ATAD3C: variants seen among roughly 807,000 people sequenced by gnomAD.
The protein encoded by ATAD3C is ATPase family AAA domain-containing protein 3C.
In ATAD3C, 38 loss-of-function variants were observed where a neutral mutation model predicts 46.3. The ratio of observed to expected loss-of-function variants is 0.82; its 90% CI spans 0.63 to 1.08. ATAD3C has a LOEUF of 1.08. ATAD3C is among the 50% of genes least tolerant of loss of function. The probability of loss-of-function intolerance (pLI) is 0.00; values close to 1 mark genes in which losing one functional copy is unlikely to be tolerated. For missense variants in ATAD3C, 563 were observed against 572.7 expected (o/e 0.98, Z 0.17); for synonymous variants, 220 against 236.4 (o/e 0.93, Z 0.63).
At chr1:1,463,313 G>C (rs950935213) in intron 11 of ATAD3C, among the ~76,000 whole-genome samples, 3 of 152,098 alleles carry the variant, frequency 2.0e-5, no homozygotes, top group African/African-American at 7.2e-5. Flanking sequence ...GCAAAACCAG[G>C]TCTGTGGGGC....
At chr1:1,457,513 G>A (rs1414281001) in intron 8 of ATAD3C, among the ~76,000 whole-genome samples, 1 of 147,794 alleles carries the variant, frequency 6.8e-6, no homozygotes, top group African/African-American at 2.5e-5. Flanking sequence ...GGAGAATGGC[G>A]TGAACCCGGG....
At position 1,462,529 on chromosome 1, in the gene ATAD3C, G is replaced by C. The variant is rs1639084926; in HGVS notation, c.981-71G>C. ...GGCATGGGTGTCCGCCTGGCTGCCT[G>C]TCTTCCGGCCTCCACCTCGTGGTGT... is the stretch of plus-strand genomic sequence containing the variant. On this transcript the variant is annotated intron_variant, in intron 10 of 11. Transcript: ENST00000378785. The surrounding 1 kb of genome is among the most constrained non-coding windows in gnomAD (Gnocchi z 4.5). 6.9e-7 allele frequency: 1 copy of C among 1,446,936 alleles called. No homozygotes were observed. The highest frequency in any genetic ancestry group is 2.0e-5 in the Admixed American group (1 of 50,580). The allele number at this position is 1,446,936 out of a possible 1,614,324, so 89.6% of individuals were successfully genotyped here.
chr1:1,451,635 G>A (rs577080422), intron 1 of ATAD3C, among the ~76,000 whole-genome samples: 68 of 152,158 alleles, frequency 4.5e-4, no homozygotes, highest in African/African-American at 1.6e-3. Context: ...TGTGAGCCAC[G>A]GTGCCCGGCC....
chr1:1,455,560 G>A (rs2100477530), intron 5 of ATAD3C, 41 bp downstream of exon 5: 1 of 1,611,536 alleles, frequency 6.2e-7, no homozygotes, highest in Non-Finnish European at 8.5e-7. Context: ...GCAGGGAGGG[G>A]ACCCCGGAGC....
chr1:1,450,510 G>A lies in ATAD3C; in HGVS notation c.-174G>A, dbSNP rs1638836022. The stretch of plus-strand genomic sequence containing the variant: ...ATGCATCAGGCCGTGTGCTGGGGAT[G>A]GGGCATCGTCACGCCAGGTCTGACT... On this transcript the variant is annotated 5_prime_UTR_variant, in exon 1 of 12. It removes an upstream start codon present in the reference 5' UTR. Transcript: ENST00000378785. 1.3e-6 allele frequency: 1 copy of A among 792,252 alleles called. No homozygotes were observed. The allele number at this position is 792,252 out of a possible 1,614,324, so 49.1% of individuals were successfully genotyped here.
intron 7 of ATAD3C, among the ~76,000 whole-genome samples, chr1:1,456,746 C>G (rs975598417): frequency 1.3e-5 from 2 of 150,654 alleles, no homozygotes; most frequent in Admixed American, 6.6e-5. Context: ...GGCACACTCC[C>G]TTCAATAGGT....
intron 8 of ATAD3C, among the ~76,000 whole-genome samples, 185 bp downstream of exon 8, chr1:1,457,365 CAA>C (rs1638981369): frequency 6.6e-6 from 1 of 151,702 alleles, no homozygotes; most frequent in African/African-American, 2.4e-5. Context: ...GAGGCCGAGG[CAA>C]GTGGATCACG....
intron 9 of ATAD3C, among the ~76,000 whole-genome samples, chr1:1,460,218 G>A (rs1054852100): frequency 3.3e-5 from 5 of 151,940 alleles, no homozygotes; most frequent in African/African-American, 7.2e-5. Flanking sequence ...GATGACAGGC[G>A]TGCGCCACCA....
At position 1,454,402 on chromosome 1, in the gene ATAD3C, G is replaced by A. The variant is rs754673465; in HGVS notation, c.280G>A (p.Val94Ile). Residue 94 changes from valine to isoleucine, a missense_variant, in exon 4 of 12, where the codon GTC (valine) becomes ATC (isoleucine). Around this residue, in one of 3 missense-constraint regions of ATAD3C, gnomAD observed 263 missense variants for 243.1 expected, o/e 1.08. Coordinates refer to ENST00000378785, the MANE Select transcript of ATAD3C (RefSeq NM_001039211.3). Reference sequence around the variant, plus strand: ...CTACTCAGCCAAGAATGCGACAGCCGTCACTGGCCGCTACATCGAGGCTCG... The same window carrying A: ...CTACTCAGCCAAGAATGCGACAGCCATCACTGGCCGCTACATCGAGGCTCG... The part of the protein sequence containing the change: ...GVYSAKNATA[V>I]TGRYIEARLG... 5.0e-6 allele frequency: 8 copies of A among 1,605,252 alleles called. No individual in the cohort carries two copies. Among genetic ancestry groups the A allele is most frequent in the African/African-American group, 2.7e-5 (2 of 74,796 alleles).
At chr1:1,463,495 T>C (rs1285383144) in intron 11 of ATAD3C, among the ~76,000 whole-genome samples, 3 of 152,038 alleles carry the variant, frequency 2.0e-5, no homozygotes, top group African/African-American at 7.2e-5. Context: ...TATTAGTCAG[T>C]ACAGGCTGGG....
In ATAD3C at chr1:1,459,709, A is replaced by G. The variant is rs1398843021; in HGVS notation, c.812+478A>G. Among the ~76,000 whole-genome samples the G allele has an allele frequency of 6.6e-6, 1 of 151,538 alleles. No homozygotes were observed. Among genetic ancestry groups the G allele is most frequent in the Non-Finnish European group, 1.5e-5 (1 of 67,882 alleles). The stretch of plus-strand genomic sequence containing the variant: ...CCGCCCGGATGCTGGCCAAGGGTGC[A>G]CCCTCCAGGCTTGGGGCCCACCCGA... On this transcript the variant is annotated intron_variant, in intron 9 of 11. Transcript: ENST00000378785. This position sits in a 1 kb window ranked among gnomAD's most constrained non-coding sequence, Gnocchi z 4.9.
rs897565056 is a variant in ATAD3C, at chr1:1,462,040, G to A, written c.981-560G>A. 6.7e-6 allele frequency among the ~76,000 whole-genome samples: 1 copy of A among 149,578 alleles called. No homozygotes were observed. Among genetic ancestry groups the A allele is most frequent in the Admixed American group, 6.6e-5 (1 of 15,186 alleles). On this transcript the variant is annotated intron_variant, in intron 10 of 11. Transcript: ENST00000378785. The surrounding 1 kb of genome is among the most constrained non-coding windows in gnomAD (Gnocchi z 4.5). ...GCTGCTCTACTTCTTGGCGTCCCCA[G>A]GGCCCCGGTTTCTGAGTCCTTCTGT... is the stretch of plus-strand genomic sequence containing the variant.
At position 1,455,797 on chromosome 1, in the gene ATAD3C, C is replaced by CT. The variant is rs748219372; in HGVS notation, c.446dup (p.Glu150GlyfsTer73). 4.3e-6 allele frequency: 7 copies of CT among 1,613,242 alleles called. No individual in the cohort carries two copies. The African/African-American group carries it at 9.3e-5, about 22-fold the overall frequency. ...CCCCTGTCTTCCTCGGCAGCCCAGC[C>CT]TGGAAGCACGGGTGCGCGACATCGC... On this transcript the variant is annotated frameshift_variant, in exon 6 of 12. Coordinates refer to ENST00000378785, the MANE Select transcript of ATAD3C (RefSeq NM_001039211.3). LOFTEE classifies it high-confidence loss of function.
chr1:1,465,460 A>G (rs965765350), intron 11 of ATAD3C, among the ~76,000 whole-genome samples: 5 of 151,090 alleles, frequency 3.3e-5, no homozygotes, highest in Non-Finnish European at 5.9e-5. Context: ...GCGTGGCGGC[A>G]GGTGCCTGTA....
rs370109447 is a variant in ATAD3C, at chr1:1,468,468, C to G, written c.1174C>G (p.Gln392Glu). 1.9e-6 allele frequency: 3 copies of G among 1,612,622 alleles called. No homozygotes were observed. Among genetic ancestry groups the G allele is most frequent in the Non-Finnish European group, 2.5e-6 (3 of 1,179,368 alleles). The part of the protein sequence containing the change: ...CVQDFVQQHQ[Q>E]MMRWLKGERP... ...GCAAGACTTTGTCCAGCAGCACCAG[C>G]AGATGATGCGCTGGCTGAAGGGGGA... is the stretch of plus-strand genomic sequence containing the variant. The change falls in exon 12 of 12, where the codon CAG becomes GAG. Residue 392 changes from glutamine to glutamate, a missense_variant. Physicochemically the swap from Gln to Glu is conservative, Grantham distance 29. Transcript: ENST00000378785.
At position 1,452,119 on chromosome 1, in the gene ATAD3C, T is replaced by A. The variant is rs199583997; in HGVS notation, c.149T>A (p.Ile50Asn). ...QKHHQTFLES[I>N]RAAGTLFGEG... ...CACCATCAGACCTTCTTGGAGTCCA[T>A]CAGGTGAGCGCTGCCGAGGCCCGGG... The change falls in exon 2 of 12, where the codon ATC (isoleucine) becomes AAC (asparagine). Residue 50 changes from isoleucine (I) to asparagine (N), a missense_variant. Physicochemically the swap from Ile to Asn is moderately radical, Grantham distance 149. Transcript: ENST00000378785. The A allele has an allele frequency of 1.5e-3, 2,363 of 1,613,348 alleles. 38 individuals carry two copies. Among genetic ancestry groups the A allele is most frequent in the Non-Finnish European group, 1.9e-3 (2,183 of 1,179,548 alleles).
intron 3 of ATAD3C, among the ~76,000 whole-genome samples, chr1:1,453,242 T>C (rs896196864): frequency 6.6e-6 from 1 of 152,092 alleles, no homozygotes; most frequent in African/African-American, 2.4e-5. Flanking sequence ...TCACTCTGTC[T>C]TCCAGGCTGG....
At chr1:1,467,580 C>T (rs1255366100) in intron 11 of ATAD3C, among the ~76,000 whole-genome samples, 4 of 152,026 alleles carry the variant, frequency 2.6e-5, no homozygotes, top group African/African-American at 9.7e-5. Context: ...CCCTGCACCC[C>T]GTGAGATGAA....
intron 10 of ATAD3C, among the ~76,000 whole-genome samples, chr1:1,461,720 T>TGGGGACTGG (rs1639070636): frequency 1.4e-5 from 2 of 148,048 alleles, no homozygotes; most frequent in East Asian, 1.9e-4. Context: ...GACCCCCATG[T>TGGGGACTGG]AGGGATTGGA....
Sources: allele counts gnomAD v4.1 joint callset (sites outside exome capture counted in the v4.1 genomes callset), GRCh38; gene constraint gnomAD v4.1.1; regional missense constraint gnomAD v4.1.1; non-coding constraint Gnocchi (gnomAD v3.1); transcripts MANE v1.5; gene names NCBI Gene and HGNC (gene_info 2026-07-23, HGNC 2026-07-21).